Variants in ANK3 observed in about 807,000 individuals in gnomAD.
The protein encoded by ANK3 is ankyrin 3, also known as ankyrin-3.
In ANK3, 57 loss-of-function variants were observed where a neutral mutation model predicts 370.9. The ratio of observed to expected loss-of-function variants is 0.15; its 90% CI spans 0.12 to 0.19. The LOEUF (loss-of-function observed/expected upper bound fraction) is 0.19, where lower values mean the gene tolerates loss of function less well. ANK3 is among the 10% of genes least tolerant of loss of function. ANK3 has a pLI of 1.00. For synonymous variants in ANK3, 1,929 were observed against 1,946.3 expected (o/e 0.99, Z 0.23); for missense variants, 4,439 against 5,302.1 (o/e 0.84, Z 5.06).
chr10:60,419,379 G>T (rs973333795), intron 2 of ANK3, among the ~76,000 whole-genome samples: 6 of 152,050 alleles, frequency 3.9e-5, no homozygotes, highest in Non-Finnish European at 8.8e-5. Context: ...ACTGTATTAA[G>T]CCAAAGACAT....
intron 43 of ANK3, among the ~76,000 whole-genome samples, chr10:60,030,756 G>A (rs892869284): frequency 1.3e-5 from 2 of 152,210 alleles, no homozygotes; most frequent in African/African-American, 2.4e-5. Context: ...TGTCAGTCAA[G>A]TGGCAATACA....
intron 23 of ANK3, among the ~76,000 whole-genome samples, chr10:60,153,625 G>A (rs1453086094): frequency 6.6e-6 from 1 of 152,138 alleles, no homozygotes; most frequent in Admixed American, 6.5e-5. Flanking sequence ...TACATAGCTG[G>A]ATAAGTGGAT....
chr10:60,636,932 A>G (rs545367781), intron 1 of ANK3, among the ~76,000 whole-genome samples: 1 of 152,324 alleles, frequency 6.6e-6, no homozygotes. Flanking sequence ...TGGAGAAGAT[A>G]GGGCAGTGGA....
intron 2 of ANK3, among the ~76,000 whole-genome samples, chr10:60,453,852 G>T (rs972128559): frequency 6.6e-6 from 1 of 151,982 alleles, no homozygotes; most frequent in Non-Finnish European, 1.5e-5. Context: ...ATTAGCAATC[G>T]TTCTATATAT....
chr10:60,363,974 T>G (rs1382127077), intron 1 of ANK3, among the ~76,000 whole-genome samples: 5 of 42,784 alleles, frequency 1.2e-4, no homozygotes, highest in East Asian at 5.2e-4. Context: ...AGAAGTGTTT[T>G]TTTTTTTTTT....
At position 60,533,719 on chromosome 10, in the gene ANK3, A is replaced by G. The variant is rs190330933; in HGVS notation, c.96+81467T>C. ...TGTCTTATATTCCAAAGGTAAATGT[A>G]TAATATAAGATTAGCTGGTAGAGAA... On this transcript the variant is annotated intron_variant, in intron 2 of 43. Coordinates refer to the ANK3 transcript ENST00000373827. Among the ~76,000 whole-genome samples, 498 of 152,284 alleles carry G rather than the reference A, an allele frequency of 3.3e-3. 7 individuals are homozygous for G. The highest frequency in any genetic ancestry group is 0.011 in the African/African-American group (451 of 41,588).
At chr10:60,171,174 T>C (rs2132309811) in intron 21 of ANK3, among the ~76,000 whole-genome samples, 2 of 152,310 alleles carry the variant, frequency 1.3e-5, no homozygotes, top group South Asian at 4.1e-4. Context: ...CATGTGGAAA[T>C]TTCTCTCTTA....
intron 1 of ANK3, among the ~76,000 whole-genome samples, chr10:60,342,998 T>A (rs1392510216): frequency 6.6e-6 from 1 of 152,114 alleles, no homozygotes; most frequent in African/African-American, 2.4e-5. Context: ...TAAAAACCTA[T>A]AGAAAACACT....
intron 4 of ANK3, among the ~76,000 whole-genome samples, chr10:60,272,192 G>A (rs2098002771): frequency 6.6e-6 from 1 of 151,520 alleles, no homozygotes; most frequent in South Asian, 2.1e-4. Context: ...CGCTATGAGT[G>A]AAATTCAAAG....
At chr10:60,091,840 C>T (rs889048938) in intron 28 of ANK3, among the ~76,000 whole-genome samples, 9 of 151,972 alleles carry the variant, frequency 5.9e-5, no homozygotes, top group African/African-American at 2.2e-4. Flanking sequence ...AAGCACCCCT[C>T]CTGCCTCAGC....
At chr10:60,111,828 C>G (rs2092733716) in intron 26 of ANK3, 1 of 441,934 alleles carries the variant, frequency 2.3e-6, no homozygotes, top group Admixed American at 2.5e-5. Flanking sequence ...AAGCAAGCAA[C>G]AGAAAATGTC....
At chr10:60,609,539 T>C (rs2133315668) in intron 2 of ANK3, among the ~76,000 whole-genome samples, 1 of 14,572 alleles carries the variant, frequency 6.9e-5, no homozygotes, top group Admixed American at 9.9e-4. Context: ...CTTTTTTCCT[T>C]TTTTTTTTTC....
At chr10:60,717,827 G>A (rs2079811519) in intron 1 of ANK3, among the ~76,000 whole-genome samples, 1 of 152,156 alleles carries the variant, frequency 6.6e-6, no homozygotes, top group South Asian at 2.1e-4. Flanking sequence ...ATCATTTAAA[G>A]AAAAATTTCA....
rs143457011 is a variant in ANK3 at position 60,038,558 on chromosome 10, C to T, written c.*19+4114G>A. On this transcript the variant is annotated intron_variant, in intron 43 of 43. Coordinates refer to ENST00000280772, the MANE Select transcript of ANK3 (RefSeq NM_020987.5). ...ATCAACAGAATAAAGAGATAACCTA[C>T]ATAATGGGAGAAAATATTTGCAAAC... Among the ~76,000 whole-genome samples the T allele has an allele frequency of 3.9e-3, 592 of 152,228 alleles. 4 individuals carry two copies. Among genetic ancestry groups the T allele is most frequent in the African/African-American group, 0.014 (565 of 41,554 alleles).
At chr10:60,613,574 C>G (rs980088434) in intron 2 of ANK3, among the ~76,000 whole-genome samples, 1 of 152,162 alleles carries the variant, frequency 6.6e-6, no homozygotes, top group Non-Finnish European at 1.5e-5. Flanking sequence ...ATAAATCTGA[C>G]TTTAGCTTAT....
intron 2 of ANK3, among the ~76,000 whole-genome samples, chr10:60,440,068 T>C (rs1358616515): frequency 1.3e-5 from 2 of 152,186 alleles, no homozygotes; most frequent in African/African-American, 2.4e-5. Context: ...GAATGCTCCG[T>C]TGCCAACTAG....
At chr10:60,543,524 A>G (rs1567132960) in intron 2 of ANK3, among the ~76,000 whole-genome samples, 1 of 152,016 alleles carries the variant, frequency 6.6e-6, no homozygotes, top group Non-Finnish European at 1.5e-5. Flanking sequence ...CAGGGAAAAA[A>G]AATACAGACA....
chr10:60,561,201 T>C (rs1385739249), intron 2 of ANK3, among the ~76,000 whole-genome samples: 2 of 152,240 alleles, frequency 1.3e-5, no homozygotes, highest in African/African-American at 4.8e-5. Flanking sequence ...AATGCTGACA[T>C]TAAATATGAC....
intron 2 of ANK3, among the ~76,000 whole-genome samples, chr10:60,421,848 C>A (rs1228494486): frequency 2.0e-5 from 3 of 152,026 alleles, no homozygotes; most frequent in African/African-American, 7.3e-5. Flanking sequence ...TCAGTCAGGT[C>A]TGTATTCAAA....
Sources: gnomAD v4.1 joint callset for allele counts (sites outside exome capture counted in the v4.1 genomes callset) on GRCh38, gnomAD v4.1.1 for gene constraint, MANE v1.5 for transcripts, NCBI Gene and HGNC (gene_info 2026-07-23, HGNC 2026-07-21) for gene names.